Variants in OOSP2 observed in about 807,000 individuals in gnomAD.
The protein encoded by OOSP2 is oocyte secreted protein 2.
Under a neutral mutation model 13.4 loss-of-function variants are expected in OOSP2, and 7 were observed. That is an observed-to-expected ratio of 0.52 (90% confidence interval 0.30 to 0.98). The LOEUF is 0.98. OOSP2 is among the 50% of genes least tolerant of loss of function. OOSP2 has a pLI of 0.07. For synonymous variants in OOSP2, 75 were observed against 67.2 expected (o/e 1.12, Z -0.57); for missense variants, 184 against 188.5 (o/e 0.98, Z 0.14).
chr11:60,044,276 G>T (rs1181825544), intron 2 of OOSP2, among the ~76,000 whole-genome samples: 4 of 152,176 alleles, frequency 2.6e-5, no homozygotes, highest in Non-Finnish European at 4.4e-5. Context: ...CTTTTCCAGG[G>T]ATGCACTGCT....
intron 3 of OOSP2, 67 bp downstream of exon 3, chr11:60,044,841 C>A (rs1043774211): frequency 1.4e-6 from 1 of 733,434 alleles, no homozygotes; most frequent in East Asian, 2.5e-5. Context: ...GAAGCTTCTG[C>A]AGAAGCATAG....
chr11:60,041,196 T>G (rs1012936054), intron 1 of OOSP2, among the ~76,000 whole-genome samples: 5 of 152,202 alleles, frequency 3.3e-5, no homozygotes, highest in African/African-American at 1.2e-4. Flanking sequence ...TTTTTGGTAA[T>G]TTGAAAGGGG....
intron 1 of OOSP2, among the ~76,000 whole-genome samples, chr11:60,042,340 G>T (rs2134638802): frequency 6.6e-6 from 1 of 152,276 alleles, no homozygotes; most frequent in South Asian, 2.1e-4. Flanking sequence ...CACGTAGAGA[G>T]ACGTGATTTA....
intron 3 of OOSP2, among the ~76,000 whole-genome samples, chr11:60,045,362 T>C (rs996014592): frequency 2.0e-5 from 3 of 151,880 alleles, no homozygotes; most frequent in African/African-American, 7.3e-5. Context: ...GGTATCCTGA[T>C]ACACTTTTTT....
intron 3 of OOSP2, chr11:60,046,710 T>G: frequency 1.6e-6 from 1 of 632,952 alleles, no homozygotes; most frequent in Non-Finnish European, 2.9e-6. Context: ...GTCTTTCTAC[T>G]CAGTGTTTGA....
chr11:60,044,616 G>A (rs1854985630), intron 2 of OOSP2, 55 bp from the exon 3 acceptor site: 1 of 784,460 alleles, frequency 1.3e-6, no homozygotes, highest in Admixed American at 1.9e-5. Flanking sequence ...TCAAGTGTGT[G>A]TATTCCTCAT....
chr11:60,041,667 A>T (rs1186904846), intron 1 of OOSP2, among the ~76,000 whole-genome samples: 1 of 151,738 alleles, frequency 6.6e-6, no homozygotes, highest in East Asian at 1.9e-4. Context: ...CTTGGCCAAC[A>T]TGGTGAAACC....
Position 60,041,289 on chromosome 11 carries a change from G to A in OOSP2, c.64+766G>A, listed in dbSNP as rs780526254. Among the ~76,000 whole-genome samples the A allele has an allele frequency of 2.6e-5, 4 of 152,220 alleles. No individual in the cohort carries two copies. In the East Asian group the frequency reaches 5.8e-4, roughly 22 times the overall value. Reference sequence around the variant, plus strand: ...GAAGCAAAGATCACATATAGCTCCTGATATTTTTCCATTTTACCTAAGATG... The same window carrying A: ...GAAGCAAAGATCACATATAGCTCCTAATATTTTTCCATTTTACCTAAGATG... On this transcript the variant is annotated intron_variant, in intron 1 of 3. Coordinates refer to ENST00000278855, the MANE Select transcript of OOSP2 (RefSeq NM_173801.5).
rs1590601957 is a variant in OOSP2 at position 60,043,353 on chromosome 11, C to T, written c.65-116C>T. ...AAGAAAACCTTTAAGCCATGGTTAC[C>T]CTTGCCAGAGAAATAAATGCCTTTT... On this transcript the variant is annotated intron_variant, in intron 1 of 3. Transcript: ENST00000278855. 6 of 554,858 alleles carry T rather than the reference C, an allele frequency of 1.1e-5. No homozygotes were observed. The East Asian group carries it at 1.4e-4, about 13-fold the overall frequency. 34.4% of individuals were successfully genotyped at this position (554,858 alleles called of 1,614,324 possible). A position where few individuals can be genotyped will look rare whatever the true frequency, so the allele number is the denominator to read the frequency against.
At chr11:60,041,641 A>C (rs1480022960) in intron 1 of OOSP2, among the ~76,000 whole-genome samples, 1 of 151,434 alleles carries the variant, frequency 6.6e-6, no homozygotes, top group East Asian at 2.0e-4. Context: ...AGAGGTCAGG[A>C]GGAGTTCGAG....
chr11:60,045,340 A>T (rs1373179304), intron 3 of OOSP2, among the ~76,000 whole-genome samples: 4 of 151,816 alleles, frequency 2.6e-5, no homozygotes, highest in Non-Finnish European at 5.9e-5. Context: ...GAACTTTGAG[A>T]CTAAGTGGAA....
rs190979504 is a variant in OOSP2 at position 60,046,636 on chromosome 11, T to A, written c.348-308T>A. 17 of 492,928 alleles carry A rather than the reference T, an allele frequency of 3.4e-5. No homozygotes were observed. In the East Asian group the frequency reaches 9.7e-4, roughly 28 times the overall value. The allele number at this position is 492,928 out of a possible 1,614,324, so 30.5% of individuals were successfully genotyped here. A position where few individuals can be genotyped will look rare whatever the true frequency, so the allele number is the denominator to read the frequency against. On this transcript the variant is annotated intron_variant, in intron 3 of 3. Coordinates refer to ENST00000278855, the MANE Select transcript of OOSP2 (RefSeq NM_173801.5). ...TGTTCTTAGGATCCATTTGGCTGAG[T>A]CTGTTTTGCTGGGTACATTGGTACT... is the stretch of plus-strand genomic sequence containing the variant.
intron 1 of OOSP2, among the ~76,000 whole-genome samples, chr11:60,043,205 A>G (rs889609015): frequency 2.0e-5 from 3 of 152,102 alleles, no homozygotes; most frequent in Non-Finnish European, 2.9e-5. Context: ...CGCCCGGCCC[A>G]TTTATGCTTT....
intron 1 of OOSP2, 64 bp downstream of exon 1, chr11:60,040,587 CAGGTGTTTTACTCCCTGA>C: frequency 1.1e-6 from 1 of 937,808 alleles, no homozygotes; most frequent in Non-Finnish European, 1.8e-6. Flanking sequence ...GCTTTCCATG[CAGGTGTTTTACTCCCTGA>C]AGAAATCTGA....
chr11:60,042,777 T>C (rs1295754610), intron 1 of OOSP2, among the ~76,000 whole-genome samples: 1 of 152,204 alleles, frequency 6.6e-6, no homozygotes, highest in Non-Finnish European at 1.5e-5. Flanking sequence ...TATACTGGGA[T>C]GATATCGCTT....
intron 3 of OOSP2, among the ~76,000 whole-genome samples, chr11:60,045,901 C>T (rs1258480520): frequency 1.3e-5 from 2 of 151,944 alleles, no homozygotes; most frequent in Non-Finnish European, 2.9e-5. Context: ...AAATAGAAAC[C>T]ACCCCTTGAT....
chr11:60,045,255 T>C (rs1039856210), intron 3 of OOSP2, among the ~76,000 whole-genome samples: 2 of 152,222 alleles, frequency 1.3e-5, no homozygotes, highest in Non-Finnish European at 2.9e-5. Context: ...AGGGAGGGCT[T>C]ATCAGCCTAA....
At chr11:60,045,710 C>T (rs1270991742) in intron 3 of OOSP2, among the ~76,000 whole-genome samples, 1 of 152,020 alleles carries the variant, frequency 6.6e-6, no homozygotes, top group African/African-American at 2.4e-5. Flanking sequence ...TGTACATAAT[C>T]TAAGATACCA....
rs1211293377 is a variant in OOSP2 at position 60,044,612 on chromosome 11, G to A, written c.244-59G>A. The A allele has an allele frequency of 2.2e-5, 16 of 743,374 alleles. No individual in the cohort carries two copies. The Admixed American group carries it at 2.8e-4, about 13-fold the overall frequency. The allele number at this position is 743,374 out of a possible 1,614,324, so 46.0% of individuals were successfully genotyped here. Reference sequence around the variant, plus strand: ...AATGTTTTTTACATCCTATTCAAGTGTGTGTATTCCTCATCTGTTACTCCA... The same window carrying A: ...AATGTTTTTTACATCCTATTCAAGTATGTGTATTCCTCATCTGTTACTCCA... On this transcript the variant is annotated intron_variant, in intron 2 of 3. Coordinates refer to ENST00000278855, the MANE Select transcript of OOSP2 (RefSeq NM_173801.5).
Sources: gnomAD v4.1 joint callset for allele counts (sites outside exome capture counted in the v4.1 genomes callset) on GRCh38, gnomAD v4.1.1 for gene constraint, MANE v1.5 for transcripts, NCBI Gene and HGNC (gene_info 2026-07-23, HGNC 2026-07-21) for gene names.